Variants in RNF144B observed in about 807,000 individuals in gnomAD.
The protein encoded by RNF144B is E3 ubiquitin-protein ligase RNF144B.
RNF144B carries 25 observed loss-of-function variants against 40.2 expected under a neutral mutation model. That is an observed-to-expected ratio of 0.62 (90% CI 0.45 to 0.87). RNF144B has a LOEUF of 0.87. RNF144B is among the 40% of genes least tolerant of loss of function. The pLI is 0.00. For missense variants in RNF144B, 365 were observed against 373.7 expected (o/e 0.98, Z 0.19); for synonymous variants, 145 against 136.3 (o/e 1.06, Z -0.44).
chr6:18,440,816 C>T (rs1241467348), intron 4 of RNF144B, among the ~76,000 whole-genome samples: 1 of 127,654 alleles, frequency 7.8e-6, no homozygotes, highest in Non-Finnish European at 1.7e-5. Context: ...TTTTAAAAAT[C>T]CAGCAGCCAA....
At position 18,439,666 on chromosome 6, in the gene RNF144B, TTA is replaced by T. The variant is rs751982145; in HGVS notation, c.271-16_271-15del. ...CTATGATGACTGAAGTCTCAACCTT[TTA>T]TGTCTCTGGTTTCAGATTGCCTGTT... is the stretch of plus-strand genomic sequence containing the variant. On this transcript the variant is annotated splice_polypyrimidine_tract_variant and intron_variant, in intron 3 of 7. Transcript: ENST00000259939. The T allele has an allele frequency of 6.2e-7, 1 of 1,601,586 alleles. No individual in the cohort carries two copies. The highest frequency in any genetic ancestry group is 1.1e-5 in the South Asian group (1 of 90,794).
chr6:18,442,968 C>T lies in RNF144B; in HGVS notation c.331+3224C>T, dbSNP rs1181217428. Among the ~76,000 whole-genome samples the T allele has an allele frequency of 6.6e-6, 1 of 152,116 alleles. No homozygotes were observed. The highest frequency in any genetic ancestry group is 1.5e-5 in the Non-Finnish European group (1 of 68,032). On this transcript the variant is annotated intron_variant, in intron 4 of 7. Coordinates refer to ENST00000259939, the MANE Select transcript of RNF144B (RefSeq NM_182757.4). The surrounding 1 kb of genome is among the most constrained non-coding windows in gnomAD (Gnocchi z 4.3). ...CATTTCAGTTGTTTCCACCTTTTGG[C>T]TACTGTAAGTAATGCTGCTGTGAAC...
At chr6:18,426,865 G>T (rs1461580246) in intron 2 of RNF144B, among the ~76,000 whole-genome samples, 1 of 149,902 alleles carries the variant, frequency 6.7e-6, no homozygotes, top group East Asian at 2.0e-4. Flanking sequence ...TTCTTCTCTG[G>T]GTTTATTTTT....
Position 18,448,791 on chromosome 6 carries a change from T to C in RNF144B, c.332-8364T>C, listed in dbSNP as rs1759142942. ...ATGCACCCTACTTTCTTTTCTAATC[T>C]GTTTCATTTTTATGCTGGTCACAAC... is the stretch of plus-strand genomic sequence containing the variant. On this transcript the variant is annotated intron_variant, in intron 4 of 7. Coordinates refer to ENST00000259939, the MANE Select transcript of RNF144B (RefSeq NM_182757.4). The surrounding 1 kb of genome is among the most constrained non-coding windows in gnomAD (Gnocchi z 4.0). Among the ~76,000 whole-genome samples, 2 of 152,150 alleles carry C rather than the reference T, an allele frequency of 1.3e-5. No individual in the cohort carries two copies. The highest frequency in any genetic ancestry group is 1.3e-4 in the Admixed American group (2 of 15,260).
intron 2 of RNF144B, among the ~76,000 whole-genome samples, chr6:18,402,906 A>G (rs934553027): frequency 6.6e-6 from 1 of 152,262 alleles, no homozygotes; most frequent in African/African-American, 2.4e-5. Flanking sequence ...GAGAAGCTGC[A>G]TATACAGGAA....
At position 18,406,450 on chromosome 6, in the gene RNF144B, C is replaced by T. The variant is rs1291482779; in HGVS notation, c.165+6751C>T. Among the ~76,000 whole-genome samples the T allele has an allele frequency of 7.9e-6, 1 of 126,990 alleles. No homozygotes were observed. The highest frequency in any genetic ancestry group is 1.6e-5 in the Non-Finnish European group (1 of 62,238). The allele number at this position is 126,990 out of a possible 152,430, so 83.3% of individuals were successfully genotyped here. A position where few individuals can be genotyped will look rare whatever the true frequency, so the allele number is the denominator to read the frequency against. On this transcript the variant is annotated intron_variant, in intron 2 of 7. Transcript: ENST00000259939. The surrounding 1 kb of genome is among the most constrained non-coding windows in gnomAD (Gnocchi z 4.2). ...GTTACAGCAAAGGAGGCTGGTGTGGCTGGAAAAGTGTGTGTGTGTGTGTGT... is the reference window on the plus strand; with the variant it reads ...GTTACAGCAAAGGAGGCTGGTGTGGTTGGAAAAGTGTGTGTGTGTGTGTGT...
In RNF144B at chr6:18,459,690, C is replaced by G; in HGVS notation, c.620C>G (p.Ala207Gly). 1 of 1,614,114 alleles carries G rather than the reference C, an allele frequency of 6.2e-7. No homozygotes were observed. Among genetic ancestry groups the G allele is most frequent in the Non-Finnish European group, 8.5e-7 (1 of 1,179,996 alleles). The change falls in exon 6 of 8, where the codon GCT becomes GGT. Residue 207 changes from alanine to glycine, a missense_variant. Ala to Gly is a moderately conservative substitution (Grantham distance 60, BLOSUM62 0). Coordinates refer to ENST00000259939, the MANE Select transcript of RNF144B (RefSeq NM_182757.4). This position sits in a 1 kb window ranked among gnomAD's most constrained non-coding sequence, Gnocchi z 4.2. The stretch of plus-strand genomic sequence containing the variant: ...TATATCGAACGCAATGAAGGCTGCG[C>G]TCAGATGATGTGCAAAAACTGCAAG... ...RVYIERNEGCAQMMCKNCKHT... is the reference protein window; with the variant it reads ...RVYIERNEGCGQMMCKNCKHT...
rs1436977373 is a variant in RNF144B at position 18,395,759 on chromosome 6, T to C, written c.-36-3740T>C. ...TGGGGAAGGTCAAGGGGACTGGCTC[T>C]GGACACCCACTATTGGGTGCTGGCA... On this transcript the variant is annotated intron_variant, in intron 1 of 7. Transcript: ENST00000259939. The surrounding 1 kb of genome is among the most constrained non-coding windows in gnomAD (Gnocchi z 4.5). Among the ~76,000 whole-genome samples, 1 of 152,180 alleles carries C rather than the reference T, an allele frequency of 6.6e-6. No homozygotes were observed. The highest frequency in any genetic ancestry group is 1.5e-5 in the Non-Finnish European group (1 of 68,026).
At chr6:18,452,989 G>A (rs1759243156) in intron 4 of RNF144B, among the ~76,000 whole-genome samples, 1 of 152,030 alleles carries the variant, frequency 6.6e-6, no homozygotes, top group Non-Finnish European at 1.5e-5. Context: ...TTTCACCACT[G>A]TTGGCCAGGC....
chr6:18,449,703 A>C (rs1248523433), intron 4 of RNF144B, among the ~76,000 whole-genome samples: 1 of 151,784 alleles, frequency 6.6e-6, no homozygotes, highest in African/African-American at 2.4e-5. Flanking sequence ...TGAAGTATAT[A>C]TATATATATA....
At chr6:18,411,943 A>G (rs1412638839) in intron 2 of RNF144B, among the ~76,000 whole-genome samples, 2 of 152,090 alleles carry the variant, frequency 1.3e-5, no homozygotes, top group Admixed American at 1.3e-4. Flanking sequence ...ATACAGACCA[A>G]CCTTCCTTTT....
intron 1 of RNF144B, among the ~76,000 whole-genome samples, chr6:18,392,202 C>T (rs963388477): frequency 3.3e-5 from 5 of 151,612 alleles, no homozygotes; most frequent in South Asian, 2.1e-4. Flanking sequence ...AGCGAGACTC[C>T]GTCTCAAAAA....
chr6:18,430,585 G>A (rs968390081), intron 3 of RNF144B, among the ~76,000 whole-genome samples: 3 of 151,950 alleles, frequency 2.0e-5, no homozygotes, highest in Non-Finnish European at 4.4e-5. Flanking sequence ...CCAGGCTCAA[G>A]CGATCCTCCC....
intron 4 of RNF144B, 73 bp downstream of exon 4, chr6:18,439,817 A>G (rs2113515139): frequency 3.0e-6 from 3 of 1,003,956 alleles, no homozygotes; most frequent in Non-Finnish European, 3.2e-6. Flanking sequence ...ACCCACATGG[A>G]AGATAAAGGC....
chr6:18,454,651 A>T (rs2113532068), intron 4 of RNF144B, among the ~76,000 whole-genome samples: 1 of 152,166 alleles, frequency 6.6e-6, no homozygotes, highest in South Asian at 2.1e-4. Context: ...CCTTGCTTTC[A>T]ACGGACTGTG....
intron 1 of RNF144B, among the ~76,000 whole-genome samples, chr6:18,388,006 C>CT (rs1794498124): frequency 6.6e-6 from 1 of 152,136 alleles, no homozygotes; most frequent in African/African-American, 2.4e-5. Context: ...CAGTGAAACT[C>CT]TGATACTACG....
intron 2 of RNF144B, among the ~76,000 whole-genome samples, chr6:18,421,315 C>CACAT (rs1554176693): frequency 6.3e-5 from 9 of 142,574 alleles, no homozygotes; most frequent in Non-Finnish European, 1.2e-4. Flanking sequence ...CACACACACA[C>CACAT]ATATATATAA....
At chr6:18,396,559 A>T (rs1794698532) in intron 1 of RNF144B, 2 of 985,390 alleles carry the variant, frequency 2.0e-6, no homozygotes, top group Non-Finnish European at 2.4e-6. Flanking sequence ...GGGGTGTGGG[A>T]TGGTTCTGGC....
Position 18,387,548 on chromosome 6 carries a change from T to C in RNF144B, c.-119T>C, listed in dbSNP as rs1337887369. ...AGAGAATGGAAGAGCTCCTGTCCGG[T>C]GTGCCAGCAGCCCGGACTGGCGGTG... On this transcript the variant is annotated 5_prime_UTR_variant, in exon 1 of 8. Coordinates refer to ENST00000259939, the MANE Select transcript of RNF144B (RefSeq NM_182757.4). The C allele has an allele frequency of 7.5e-7, 1 of 1,326,704 alleles. No individual in the cohort carries two copies. Among genetic ancestry groups the C allele is most frequent in the Non-Finnish European group, 9.9e-7 (1 of 1,009,440 alleles). The allele number at this position is 1,326,704 out of a possible 1,614,324, so 82.2% of individuals were successfully genotyped here.
Sources: allele counts gnomAD v4.1 joint callset (sites outside exome capture counted in the v4.1 genomes callset), GRCh38; gene constraint gnomAD v4.1.1; non-coding constraint Gnocchi (gnomAD v3.1); transcripts MANE v1.5; gene names NCBI Gene and HGNC (gene_info 2026-07-23, HGNC 2026-07-21).